The following EXOSC4 variants were observed in gnomAD, a reference collection of about 807,000 sequenced individuals.
EXOSC4 encodes exosome complex component RRP41.
A neutral mutation model predicts 20.0 loss-of-function variants in EXOSC4; 14 were observed. That is an observed-to-expected ratio of 0.70 (90% confidence interval 0.46 to 1.09). The LOEUF (loss-of-function observed/expected upper bound fraction) is 1.09. Ranked by LOEUF, EXOSC4 falls within the 50% of genes least tolerant of loss-of-function variation. The pLI is 0.00. For missense variants in EXOSC4, 337 were observed against 334.0 expected, an observed-to-expected ratio of 1.01 and a Z score of -0.07; for synonymous variants, 148 against 146.4, an observed-to-expected ratio of 1.01 and a Z score of -0.08.
upstream of EXOSC4, among the ~76,000 whole-genome samples, chr8:144,075,229 AT>A (rs782139585): frequency 2.2e-3 from 288 of 131,908 alleles, no homozygotes; most frequent in South Asian, 2.0e-3. Flanking sequence ...TGTCCAGTTA[AT>A]TTTTTTTTTT....
chr8:144,075,414 G>A (rs1202151327), upstream of EXOSC4, among the ~76,000 whole-genome samples: 1 of 152,146 alleles, frequency 6.6e-6, no homozygotes, highest in African/African-American at 2.4e-5. Flanking sequence ...TTTTAGTAGA[G>A]TCAGGGTTTC....
chr8:144,080,196 G>C lies in EXOSC4; in HGVS notation c.379-46G>C. 6.2e-7 allele frequency: 1 copy of C among 1,608,416 alleles called. No homozygotes were observed. The highest frequency in any genetic ancestry group is 8.5e-7 in the Non-Finnish European group (1 of 1,176,086). On this transcript the variant is annotated intron_variant, in intron 2 of 2. Transcript: ENST00000316052. This position sits in a 1 kb window ranked among gnomAD's most constrained non-coding sequence, Gnocchi z 4.9. ...ATCCAGGGAGGGAAGGGTGTGATGG[G>C]GTTGGGGAGGGAGTCTGATAGACTG...
At chr8:144,079,643 T>C (rs1383985862) in intron 1 of EXOSC4, 1 of 536,840 alleles carries the variant, frequency 1.9e-6, no homozygotes, top group Non-Finnish European at 3.5e-6. Flanking sequence ...TCATATGTAA[T>C]GTGAAACCTT....
upstream of EXOSC4, among the ~76,000 whole-genome samples, chr8:144,074,432 C>T (rs1041364977): frequency 4.6e-5 from 7 of 152,160 alleles, no homozygotes; most frequent in Non-Finnish European, 1.0e-4. Context: ...CGGAAACACC[C>T]ACCTCCCTCG....
upstream of EXOSC4, among the ~76,000 whole-genome samples, chr8:144,077,665 CAG>C (rs1835848545): frequency 6.6e-6 from 1 of 152,256 alleles, no homozygotes; most frequent in Admixed American, 6.5e-5. Context: ...CCTTGACCCA[CAG>C]AGTGTGGCAG....
the EXOSC4 span, among the ~76,000 whole-genome samples, chr8:144,069,579 G>A: frequency 6.6e-6 from 1 of 152,134 alleles, no homozygotes; most frequent in Non-Finnish European, 1.5e-5. Context: ...GGGCCCACTG[G>A]GTCACCCGGG....
upstream of EXOSC4, among the ~76,000 whole-genome samples, chr8:144,077,049 T>G (rs1587584654): frequency 1.4e-5 from 2 of 142,702 alleles, no homozygotes; most frequent in African/African-American, 2.7e-5. Context: ...CCAGCCTGGG[T>G]GACAGTGAGA....
chr8:144,079,556 C>G (rs1386866912), intron 1 of EXOSC4: 1 of 372,852 alleles, frequency 2.7e-6, no homozygotes, highest in African/African-American at 2.1e-5. Context: ...GGGGATAACT[C>G]CAAATCAGGT....
At chr8:144,069,601 G>A in the EXOSC4 span, among the ~76,000 whole-genome samples, 4 of 152,314 alleles carry the variant, frequency 2.6e-5, no homozygotes, top group East Asian at 1.9e-4. Context: ...TCGCCTCCCC[G>A]CCTCAGCCTC....
chr8:144,073,124 G>A, the EXOSC4 span, among the ~76,000 whole-genome samples: 1 of 152,162 alleles, frequency 6.6e-6, no homozygotes, highest in African/African-American at 2.4e-5. Flanking sequence ...GGTGGCTCAC[G>A]CCTGTCATCC....
At chr8:144,079,874 G>T in intron 1 of EXOSC4, 69 bp from the exon 2 acceptor site, 1 of 1,441,790 alleles carries the variant, frequency 6.9e-7, no homozygotes, top group Non-Finnish European at 9.8e-7. Context: ...GGGAGAGGCA[G>T]ACCCACAGAG....
chr8:144,080,355 C>T lies in EXOSC4; in HGVS notation c.492C>T (p.Phe164=), dbSNP rs141844922. 1.2e-5 allele frequency: 19 copies of T among 1,613,044 alleles called. No individual in the cohort carries two copies. The highest frequency in any genetic ancestry group is 1.5e-5 in the Non-Finnish European group (18 of 1,180,038). Residue 164 remains phenylalanine, a synonymous_variant, in exon 3 of 3, where the codon TTC becomes TTT. Coordinates refer to ENST00000316052, the MANE Select transcript of EXOSC4 (RefSeq NM_019037.3). The surrounding 1 kb of genome is among the most constrained non-coding windows in gnomAD (Gnocchi z 4.9). ...TTGTGTGTGCGTGCTCAGCTGGCTT[C>T]GTGGACGGCACAGCCCTGGCGGACC... ...RDFVCACSAG[F]VDGTALADLS...
upstream of EXOSC4, among the ~76,000 whole-genome samples, chr8:144,077,298 C>T (rs1359991770): frequency 4.6e-5 from 7 of 152,086 alleles, no homozygotes; most frequent in East Asian, 1.3e-3. Context: ...TCAGTAAGAA[C>T]AGGGACAGTA....
At chr8:144,066,646 G>A in the EXOSC4 span, among the ~76,000 whole-genome samples, 2 of 151,700 alleles carry the variant, frequency 1.3e-5, no homozygotes, top group South Asian at 4.2e-4. Flanking sequence ...GTTTCACCCT[G>A]TTGGCCAGGC....
chr8:144,066,175 C>A, the EXOSC4 span, among the ~76,000 whole-genome samples: 1 of 151,846 alleles, frequency 6.6e-6, no homozygotes, highest in South Asian at 2.1e-4. Flanking sequence ...CGCCACCACA[C>A]CTGGCTGATT....
chr8:144,073,414 C>T, the EXOSC4 span, among the ~76,000 whole-genome samples: 2 of 152,024 alleles, frequency 1.3e-5, no homozygotes, highest in African/African-American at 4.8e-5. Flanking sequence ...CCTCAGGCCC[C>T]TCCCACCTGG....
At chr8:144,065,090 C>T in the EXOSC4 span, among the ~76,000 whole-genome samples, 1 of 152,110 alleles carries the variant, frequency 6.6e-6, no homozygotes, top group Non-Finnish European at 1.5e-5. Context: ...CGTGATCTGC[C>T]CACCTCAGCC....
upstream of EXOSC4, chr8:144,078,354 C>A (rs1017032983): frequency 1.6e-5 from 3 of 182,086 alleles, no homozygotes; most frequent in Non-Finnish European, 3.4e-5. This position sits in a 1 kb window ranked among gnomAD's most constrained non-coding sequence, Gnocchi z 4.7. Context: ...TGGGCAATTC[C>A]TCCTTCGGCG....
chr8:144,072,660 T>A, the EXOSC4 span, among the ~76,000 whole-genome samples: 1 of 152,252 alleles, frequency 6.6e-6, no homozygotes, highest in African/African-American at 2.4e-5. Flanking sequence ...ATTCCATGTG[T>A]GTCTTTCTGT....
Sources: allele counts gnomAD v4.1 joint callset (sites outside exome capture counted in the v4.1 genomes callset), GRCh38; gene constraint gnomAD v4.1.1; non-coding constraint Gnocchi (gnomAD v3.1); transcripts MANE v1.5; gene names NCBI Gene and HGNC (gene_info 2026-07-23, HGNC 2026-07-21).